Variants in NDUFS4 observed in about 807,000 individuals in gnomAD.
NDUFS4 encodes the protein NADH dehydrogenase [ubiquinone] iron-sulfur protein 4, mitochondrial.
In NDUFS4, 28 loss-of-function variants were observed where a neutral mutation model predicts 24.3. The observed-to-expected ratio is 1.15, with a 90% CI of 0.85 to 1.58. NDUFS4 has a LOEUF of 1.58. Ranked by LOEUF, NDUFS4 falls within the 40% of genes most tolerant of loss-of-function variation. The pLI is 0.00. For missense variants in NDUFS4, 223 were observed against 207.9 expected, an observed-to-expected ratio of 1.07 and a Z score of -0.45; for synonymous variants, 93 against 69.7, an observed-to-expected ratio of 1.34 and a Z score of -1.67.
In NDUFS4 at chr5:53,658,920, C is replaced by A. The variant is rs150793307; in HGVS notation, c.424+296C>A. ...GTGTATGAATTCCTCTGTAAAATTACTAACATTTTGTTGAACTTCAATTGA... is the reference window on the plus strand; with the variant it reads ...GTGTATGAATTCCTCTGTAAAATTAATAACATTTTGTTGAACTTCAATTGA... On this transcript the variant is annotated intron_variant, in intron 4 of 4. Coordinates refer to ENST00000296684, the MANE Select transcript of NDUFS4 (RefSeq NM_002495.4). 3.6e-3 allele frequency: 1,092 copies of A among 299,746 alleles called. 13 individuals are homozygous for A. Among genetic ancestry groups the A allele is most frequent in the African/African-American group, 0.021 (995 of 46,346 alleles). 18.6% of individuals were successfully genotyped at this position (299,746 alleles called of 1,614,324 possible). A position where few individuals can be genotyped will look rare whatever the true frequency, so the allele number is the denominator to read the frequency against.
intron 2 of NDUFS4, among the ~76,000 whole-genome samples, chr5:53,629,129 G>A (rs904971663): frequency 6.6e-6 from 1 of 152,034 alleles, no homozygotes. Context: ...CCTTCATTTT[G>A]TTATTTACCC....
chr5:53,660,917 C>T (rs576501894), intron 4 of NDUFS4, among the ~76,000 whole-genome samples: 8 of 151,976 alleles, frequency 5.3e-5, no homozygotes, highest in Non-Finnish European at 1.0e-4. Flanking sequence ...GTCAGATGAC[C>T]AGATTGCAAA....
intron 4 of NDUFS4, among the ~76,000 whole-genome samples, chr5:53,679,353 G>T (rs1424217073): frequency 6.6e-6 from 1 of 151,910 alleles, no homozygotes; most frequent in East Asian, 1.9e-4. Context: ...ATTTTTGTTT[G>T]TTTTTCACAG....
intron 2 of NDUFS4, among the ~76,000 whole-genome samples, chr5:53,619,031 T>C (rs1750942593): frequency 1.3e-5 from 2 of 151,928 alleles, no homozygotes; most frequent in South Asian, 4.1e-4. Context: ...TGAAAATTGC[T>C]TGAACCCGGG....
At chr5:53,565,159 G>A (rs1490667404) in intron 1 of NDUFS4, among the ~76,000 whole-genome samples, 1 of 152,218 alleles carries the variant, frequency 6.6e-6, no homozygotes, top group Admixed American at 6.5e-5. Context: ...TGTACTCCAG[G>A]TGGGGTCTGC....
intron 3 of NDUFS4, among the ~76,000 whole-genome samples, chr5:53,648,466 A>C (rs1751925271): frequency 6.6e-6 from 1 of 152,226 alleles, no homozygotes; most frequent in African/African-American, 2.4e-5. Context: ...GTATATTCTC[A>C]GTACTTGTCA....
intron 2 of NDUFS4, among the ~76,000 whole-genome samples, chr5:53,644,492 A>G (rs550569201): frequency 6.6e-6 from 1 of 152,288 alleles, no homozygotes; most frequent in Non-Finnish European, 1.5e-5. Context: ...AATTCAAAGG[A>G]GGAATTAAAC....
chr5:53,566,222 TCCTGTATAATACTTGCTA>T (rs745861460), intron 1 of NDUFS4, among the ~76,000 whole-genome samples: 2 of 152,134 alleles, frequency 1.3e-5, no homozygotes, highest in Non-Finnish European at 2.9e-5. Flanking sequence ...GCAACTTGGT[TCCTGTATAATACTTGCTA>T]GAAGAGATCT....
At position 53,683,184 on chromosome 5, in the gene NDUFS4, T is replaced by C; in HGVS notation, c.491T>C (p.Phe164Ser). ...KPKSKSYGAN[F>S]SWNKRTRVST... ...AAGTCCAAGTCTTATGGTGCAAACTTTTCTTGGAACAAAAGAACAAGAGTA... is the reference window on the plus strand; with the variant it reads ...AAGTCCAAGTCTTATGGTGCAAACTCTTCTTGGAACAAAAGAACAAGAGTA... Residue 164 changes from phenylalanine to serine, a missense_variant, in exon 5 of 5, where the codon TTT becomes TCT. Physicochemically the swap from Phe to Ser is radical, Grantham distance 155 (BLOSUM62 -2). Transcript: ENST00000296684. 6.2e-7 allele frequency: 1 copy of C among 1,612,174 alleles called. No individual in the cohort carries two copies. Among genetic ancestry groups the C allele is most frequent in the Non-Finnish European group, 8.5e-7 (1 of 1,178,556 alleles).
At chr5:53,561,603 A>G (rs1175075900) in intron 1 of NDUFS4, among the ~76,000 whole-genome samples, 1 of 151,924 alleles carries the variant, frequency 6.6e-6, no homozygotes, top group Non-Finnish European at 1.5e-5. Context: ...TGCTATACGT[A>G]CATACACACA....
chr5:53,614,356 T>G (rs1750785210), intron 2 of NDUFS4, among the ~76,000 whole-genome samples: 1 of 151,954 alleles, frequency 6.6e-6, no homozygotes, highest in Admixed American at 6.6e-5. Context: ...TGTTAAGTAT[T>G]ACAGTTTTTA....
chr5:53,598,294 T>C (rs921573504), intron 1 of NDUFS4, among the ~76,000 whole-genome samples: 1 of 152,192 alleles, frequency 6.6e-6, no homozygotes. Context: ...CACAAAAACC[T>C]GCACATGAAT....
chr5:53,586,673 C>G (rs563724092), intron 1 of NDUFS4, among the ~76,000 whole-genome samples: 34 of 152,272 alleles, frequency 2.2e-4, no homozygotes, highest in African/African-American at 8.2e-4. Context: ...CTTGCGTCCA[C>G]CACCATGCCT....
chr5:53,627,066 G>A (rs538971744), intron 2 of NDUFS4, among the ~76,000 whole-genome samples: 3 of 152,264 alleles, frequency 2.0e-5, no homozygotes, highest in East Asian at 3.9e-4. Flanking sequence ...TGTATAAGGT[G>A]TAAGGAAGGG....
intron 3 of NDUFS4, among the ~76,000 whole-genome samples, chr5:53,647,295 C>G (rs377042907): frequency 6.6e-6 from 1 of 151,992 alleles, no homozygotes; most frequent in Non-Finnish European, 1.5e-5. Context: ...TCACTGCAGC[C>G]CTGAACTCTG....
intron 2 of NDUFS4, among the ~76,000 whole-genome samples, chr5:53,632,849 C>T (rs942036885): frequency 5.3e-5 from 8 of 152,162 alleles, no homozygotes; most frequent in Admixed American, 6.5e-5. Flanking sequence ...GATCCATATA[C>T]TACACTGTGA....
At chr5:53,612,406 A>G (rs935951644) in intron 2 of NDUFS4, among the ~76,000 whole-genome samples, 2 of 152,100 alleles carry the variant, frequency 1.3e-5, no homozygotes, top group African/African-American at 2.4e-5. Flanking sequence ...TTATTTAGCA[A>G]TCTGTAAAAC....
chr5:53,644,371 G>A (rs1198997697), intron 2 of NDUFS4, among the ~76,000 whole-genome samples: 2 of 152,082 alleles, frequency 1.3e-5, no homozygotes, highest in African/African-American at 4.8e-5. Context: ...CATGCTTATA[G>A]TGTTTGTTTA....
At chr5:53,646,735 A>T (rs2112508098) in intron 3 of NDUFS4, among the ~76,000 whole-genome samples, 1 of 152,286 alleles carries the variant, frequency 6.6e-6, no homozygotes, top group East Asian at 1.9e-4. Context: ...GGTTTCAGTT[A>T]TCCGATGGAC....
Sources: gnomAD v4.1 joint callset for allele counts (sites outside exome capture counted in the v4.1 genomes callset) on GRCh38, gnomAD v4.1.1 for gene constraint, MANE v1.5 for transcripts, NCBI Gene and HGNC (gene_info 2026-07-23, HGNC 2026-07-21) for gene names.